PTPRA: variants seen among roughly 807,000 people sequenced by gnomAD.
The protein encoded by PTPRA is protein tyrosine phosphatase receptor type A, also known as receptor-type tyrosine-protein phosphatase alpha.
In PTPRA, 25 loss-of-function variants were observed where a neutral mutation model predicts 104.8. The ratio of observed to expected loss-of-function variants is 0.24; its 90% CI spans 0.17 to 0.33. The LOEUF is 0.33. Ranked by LOEUF, PTPRA falls within the 10% of genes least tolerant of loss-of-function variation. The pLI, the probability that PTPRA is intolerant of heterozygous loss-of-function variation, is 1.00. For synonymous variants in PTPRA, 323 were observed against 368.9 expected (o/e 0.88, Z 1.43); for missense variants, 765 against 1,015.3 (o/e 0.75, Z 3.35).
rs143308119 is a variant in PTPRA at position 2,902,511 on chromosome 20, G to C, written c.-128-20696G>C. On this transcript the variant is annotated intron_variant, in intron 1 of 23. Coordinates refer to ENST00000399903, the MANE Select transcript of PTPRA (RefSeq NM_001385305.1). The stretch of plus-strand genomic sequence containing the variant: ...TCTTGGCAGCTGCCGGCACTGGTCT[G>C]ATTCTTTCTTTTAAAAGCATGAGAT... Among the ~76,000 whole-genome samples the C allele has an allele frequency of 2.2e-3, 338 of 152,266 alleles. 2 individuals are homozygous for C. Among genetic ancestry groups the C allele is most frequent in the African/African-American group, 7.1e-3 (294 of 41,552 alleles).
Position 2,908,528 on chromosome 20 carries a change from T to C in PTPRA, c.-128-14679T>C, listed in dbSNP as rs528493766. The stretch of plus-strand genomic sequence containing the variant: ...TACCAAGGGATGACCGTAGAGTCAT[T>C]GCATAATAAACAAAATGCTTCCCTA... On this transcript the variant is annotated intron_variant, in intron 1 of 23. Coordinates refer to ENST00000399903, the MANE Select transcript of PTPRA (RefSeq NM_001385305.1). Among the ~76,000 whole-genome samples, 7 of 152,258 alleles carry C rather than the reference T, an allele frequency of 4.6e-5. No individual in the cohort carries two copies. The East Asian group carries it at 1.4e-3, about 29-fold the overall frequency.
chr20:2,887,349 A>G (rs1371340944), intron 1 of PTPRA, among the ~76,000 whole-genome samples: 1 of 152,222 alleles, frequency 6.6e-6, no homozygotes, highest in Non-Finnish European at 1.5e-5. Flanking sequence ...GTGGATGTGC[A>G]GTAAAAGGTT....
At chr20:2,952,911 C>T (rs951555507) in intron 3 of PTPRA, among the ~76,000 whole-genome samples, 2 of 152,170 alleles carry the variant, frequency 1.3e-5, no homozygotes, top group African/African-American at 4.8e-5. Context: ...TTAAGGCTAA[C>T]ATTCCATCCT....
chr20:3,006,006 T>C (rs1487852036), intron 10 of PTPRA, among the ~76,000 whole-genome samples: 1 of 152,054 alleles, frequency 6.6e-6, no homozygotes, highest in Non-Finnish European at 1.5e-5. Context: ...TTCCTAATCC[T>C]CAGAACCTGT....
chr20:2,993,179 G>A (rs561411631), intron 9 of PTPRA, among the ~76,000 whole-genome samples: 1 of 152,314 alleles, frequency 6.6e-6, no homozygotes, highest in African/African-American at 2.4e-5. Flanking sequence ...GGTATCTGCT[G>A]TCTCCAAAAC....
At chr20:3,029,538 A>ATTTTTTTTTTTTTT (rs1390310900) in intron 20 of PTPRA, among the ~76,000 whole-genome samples, 14 of 35,630 alleles carry the variant, frequency 3.9e-4, no homozygotes, top group South Asian at 1.4e-3. Flanking sequence ...GGTCTTCATC[A>ATTTTTTTTTTTTTT]TCTTTTTTTT....
chr20:2,920,450 G>T (rs531381593), intron 1 of PTPRA, among the ~76,000 whole-genome samples: 2 of 152,276 alleles, frequency 1.3e-5, no homozygotes, highest in East Asian at 3.9e-4. Context: ...AGATTATGAT[G>T]CACCTGAGCT....
intron 5 of PTPRA, among the ~76,000 whole-genome samples, chr20:2,974,449 T>C (rs1365777084): frequency 6.6e-6 from 1 of 151,386 alleles, no homozygotes; most frequent in Non-Finnish European, 1.5e-5. Flanking sequence ...TTCTTTGAAA[T>C]AGAGTCTCGC....
At chr20:2,891,050 A>G (rs1176882915) in intron 1 of PTPRA, among the ~76,000 whole-genome samples, 1 of 152,212 alleles carries the variant, frequency 6.6e-6, no homozygotes, top group Non-Finnish European at 1.5e-5. Context: ...TATAATCTCT[A>G]TCTTGATGAA....
intron 9 of PTPRA, among the ~76,000 whole-genome samples, chr20:3,001,988 A>G (rs902313198): frequency 2.0e-5 from 3 of 152,136 alleles, no homozygotes; most frequent in Non-Finnish European, 4.4e-5. Flanking sequence ...AAAATTAAAA[A>G]ATTAGCCAGG....
At chr20:2,908,433 T>A (rs1393457584) in intron 1 of PTPRA, among the ~76,000 whole-genome samples, 1 of 152,158 alleles carries the variant, frequency 6.6e-6, no homozygotes, top group Non-Finnish European at 1.5e-5. Context: ...ACAGTGAAAT[T>A]TTTGTATCCT....
In PTPRA at chr20:2,964,276, G is replaced by T. The variant is rs766191026; in HGVS notation, c.-2G>T. ...ACATGACTCCCTATTTTCCAGATAA[G>T]CATGGATTCCTGGTTCATTCTTGTT... On this transcript the variant is annotated 5_prime_UTR_variant, in exon 4 of 24. Transcript: ENST00000399903. 8.1e-6 allele frequency: 13 copies of T among 1,609,068 alleles called. No homozygotes were observed. Among genetic ancestry groups the T allele is most frequent in the Non-Finnish European group, 1.0e-5 (12 of 1,177,396 alleles).
intron 4 of PTPRA, 143 bp from the exon 5 acceptor site, chr20:2,964,718 G>A (rs2061882687): frequency 5.7e-6 from 4 of 703,962 alleles, no homozygotes; most frequent in Admixed American, 2.9e-5. Context: ...TAAAAACGTA[G>A]GGGGTGGGTG....
At chr20:2,898,410 C>T (rs1237352010) in intron 1 of PTPRA, among the ~76,000 whole-genome samples, 1 of 151,408 alleles carries the variant, frequency 6.6e-6, no homozygotes, top group Non-Finnish European at 1.5e-5. Context: ...GACAGGATTT[C>T]ACCATGTTGG....
intron 3 of PTPRA, among the ~76,000 whole-genome samples, chr20:2,948,294 A>G (rs1490315022): frequency 6.6e-6 from 1 of 152,174 alleles, no homozygotes; most frequent in African/African-American, 2.4e-5. Context: ...GGAGCCTTCC[A>G]GTTTACCTAC....
chr20:3,012,447 A>G (rs1254915724), intron 11 of PTPRA, among the ~76,000 whole-genome samples: 1 of 152,240 alleles, frequency 6.6e-6, no homozygotes, highest in Admixed American at 6.5e-5. Context: ...TGTATCCAGC[A>G]TACAGTTGGT....
chr20:2,991,691 TGTG>T (rs1360701290), intron 9 of PTPRA, among the ~76,000 whole-genome samples: 1 of 152,158 alleles, frequency 6.6e-6, no homozygotes, highest in Non-Finnish European at 1.5e-5. Context: ...GGATAGATAT[TGTG>T]GTGAGAGCCA....
intron 2 of PTPRA, among the ~76,000 whole-genome samples, chr20:2,945,711 T>C (rs937185012): frequency 6.6e-6 from 1 of 151,872 alleles, no homozygotes; most frequent in African/African-American, 2.4e-5. Flanking sequence ...GGTGGATCAC[T>C]TGAGGTCAGG....
intron 6 of PTPRA, among the ~76,000 whole-genome samples, chr20:2,986,473 G>C (rs979464146): frequency 1.2e-4 from 19 of 152,206 alleles, no homozygotes; most frequent in African/African-American, 4.6e-4. Context: ...CAAAGTGTCT[G>C]CCTTTAAACA....
Sources: allele counts gnomAD v4.1 joint callset (sites outside exome capture counted in the v4.1 genomes callset), GRCh38; gene constraint gnomAD v4.1.1; transcripts MANE v1.5; gene names NCBI Gene and HGNC (gene_info 2026-07-23, HGNC 2026-07-21).